Variants in VSTM4 observed in about 807,000 individuals in gnomAD.
VSTM4 encodes V-set and transmembrane domain containing 4.
A neutral mutation model predicts 36.4 loss-of-function variants in VSTM4; 20 were observed. The observed-to-expected ratio is 0.55, with a 90% CI of 0.39 to 0.80. The LOEUF is 0.80. VSTM4 is among the 30% of genes least tolerant of loss of function. The pLI, the probability that VSTM4 is intolerant of heterozygous loss-of-function variation, is 0.00. For synonymous variants in VSTM4, 182 were observed against 173.9 expected (o/e 1.05, Z -0.37); for missense variants, 392 against 404.5 (o/e 0.97, Z 0.26).
chr10:49,049,576 A>G (rs1843666364), intron 5 of VSTM4, among the ~76,000 whole-genome samples: 1 of 152,150 alleles, frequency 6.6e-6, no homozygotes, highest in Admixed American at 6.5e-5. Flanking sequence ...GTCTCAAGAG[A>G]GGCTATCTCG....
chr10:49,068,210 G>C (rs1053198411), intron 4 of VSTM4, among the ~76,000 whole-genome samples: 6 of 152,066 alleles, frequency 3.9e-5, no homozygotes, highest in Non-Finnish European at 8.8e-5. Context: ...TGGGGAAATA[G>C]AGTCTCACAG....
intron 4 of VSTM4, among the ~76,000 whole-genome samples, chr10:49,074,003 T>C (rs796232290): frequency 6.6e-6 from 1 of 152,350 alleles, no homozygotes; most frequent in African/African-American, 2.4e-5. Context: ...CCCATCACCA[T>C]GGGCAGTGCC....
intron 4 of VSTM4, among the ~76,000 whole-genome samples, chr10:49,076,600 A>C (rs7085823): frequency 0.38 from 57,224 of 152,012 alleles, 12,066 homozygotes; most frequent in African/African-American, 0.57. Flanking sequence ...GCTCGGGGAG[A>C]AGCAGAGACT....
At chr10:49,085,327 A>C (rs768359889) in intron 3 of VSTM4, among the ~76,000 whole-genome samples, 2 of 152,256 alleles carry the variant, frequency 1.3e-5, no homozygotes, top group Non-Finnish European at 2.9e-5. Context: ...CAGAATCTCT[A>C]GAGATGTGGT....
At chr10:49,052,865 A>G (rs950556237) in intron 5 of VSTM4, among the ~76,000 whole-genome samples, 1 of 152,164 alleles carries the variant, frequency 6.6e-6, no homozygotes, top group African/African-American at 2.4e-5. Flanking sequence ...TTTCCTTCAA[A>G]ACAGTAAAAC....
intron 5 of VSTM4, among the ~76,000 whole-genome samples, chr10:49,060,298 G>A (rs1449563380): frequency 1.3e-5 from 2 of 152,302 alleles, no homozygotes; most frequent in African/African-American, 4.8e-5. Flanking sequence ...CCAAGTGGTG[G>A]CACAATTTTA....
chr10:49,111,583 G>A (rs17782733), intron 1 of VSTM4, among the ~76,000 whole-genome samples: 15,204 of 152,250 alleles, frequency 0.1, 1,077 homozygotes, highest in East Asian at 0.29. Context: ...ACTCAGGCCC[G>A]AAGAAGAAAT....
chr10:49,089,964 C>T (rs755522093), intron 2 of VSTM4, among the ~76,000 whole-genome samples: 2 of 152,226 alleles, frequency 1.3e-5, no homozygotes, highest in Admixed American at 6.5e-5. Context: ...CCCTCCTCAG[C>T]ACAGCTGTGA....
At chr10:49,066,204 C>T (rs1843970664) in intron 4 of VSTM4, among the ~76,000 whole-genome samples, 1 of 152,142 alleles carries the variant, frequency 6.6e-6, no homozygotes, top group Admixed American at 6.5e-5. Context: ...CCACTTTTAA[C>T]ATCACCCTTT....
At chr10:49,080,716 G>T (rs1199984547) in intron 3 of VSTM4, among the ~76,000 whole-genome samples, 1 of 152,180 alleles carries the variant, frequency 6.6e-6, no homozygotes, top group East Asian at 1.9e-4. Context: ...CTGTAAGAAG[G>T]ATGCCTTAAT....
intron 7 of VSTM4, among the ~76,000 whole-genome samples, chr10:49,035,669 C>CAA (rs3080379): frequency 0.77 from 54,100 of 70,160 alleles, 21,540 homozygotes; most frequent in South Asian, 0.87. Flanking sequence ...CCCAGCTCCA[C>CAA]AAAAAAAAAA....
chr10:49,096,324 T>A (rs901970306), intron 2 of VSTM4, among the ~76,000 whole-genome samples: 22 of 152,238 alleles, frequency 1.4e-4, no homozygotes, highest in Admixed American at 4.6e-4. Context: ...TGCCCCCACA[T>A]ACTTTTAGGG....
intron 7 of VSTM4, among the ~76,000 whole-genome samples, chr10:49,030,861 C>T (rs1231473738): frequency 6.6e-6 from 1 of 152,210 alleles, no homozygotes; most frequent in Non-Finnish European, 1.5e-5. Context: ...AGATGCCTGT[C>T]AATGTCACCA....
chr10:49,037,211 C>A (rs1843444319), intron 7 of VSTM4, among the ~76,000 whole-genome samples: 1 of 152,252 alleles, frequency 6.6e-6, no homozygotes, highest in Non-Finnish European at 1.5e-5. Flanking sequence ...AGAGTCCTCT[C>A]TGGAGGTGGG....
chr10:49,095,684 A>T (rs1200799405), intron 2 of VSTM4, among the ~76,000 whole-genome samples: 1 of 152,198 alleles, frequency 6.6e-6, no homozygotes, highest in Admixed American at 6.5e-5. Context: ...CCCATGGTCC[A>T]GCAATGTGTC....
intron 7 of VSTM4, among the ~76,000 whole-genome samples, chr10:49,043,281 A>T (rs1332843311): frequency 2.0e-5 from 3 of 152,258 alleles, no homozygotes; most frequent in Non-Finnish European, 4.4e-5. Flanking sequence ...TGCTATATTG[A>T]TTACATGATT....
chr10:49,113,435 A>G (rs1283893822), intron 1 of VSTM4, among the ~76,000 whole-genome samples: 1 of 152,170 alleles, frequency 6.6e-6, no homozygotes, highest in African/African-American at 2.4e-5. Flanking sequence ...TACAAACTCT[A>G]TGCCCTTTAG....
chr10:49,051,946 T>G (rs555466154), intron 5 of VSTM4, among the ~76,000 whole-genome samples: 3 of 49,738 alleles, frequency 6.0e-5, no homozygotes, highest in Middle Eastern at 0.015. Context: ...TTAATCTAAA[T>G]TTTTCATATT....
At position 49,019,417 on chromosome 10, in the gene VSTM4, G is replaced by T; in HGVS notation, c.*233C>A. ...TCAGGATCAGAATCCTTACGCTCAG[G>T]GCTCAAACCCAGGCGCATCTTGTCC... On this transcript the variant is annotated 3_prime_UTR_variant, in exon 8 of 8. Coordinates refer to ENST00000332853, the MANE Select transcript of VSTM4 (RefSeq NM_001031746.5). The T allele has an allele frequency of 2.6e-6, 1 of 388,432 alleles. No homozygotes were observed. The allele number at this position is 388,432 out of a possible 1,614,324, so 24.1% of individuals were successfully genotyped here. A position where few individuals can be genotyped will look rare whatever the true frequency, so the allele number is the denominator to read the frequency against.
Sources: allele counts gnomAD v4.1 joint callset (sites outside exome capture counted in the v4.1 genomes callset), GRCh38; gene constraint gnomAD v4.1.1; transcripts MANE v1.5; gene names NCBI Gene and HGNC (gene_info 2026-07-23, HGNC 2026-07-21).